The following KIRREL3 variants were observed in gnomAD, a reference collection of about 807,000 sequenced individuals.
The protein encoded by KIRREL3 is kirre like nephrin family adhesion molecule 3, also known as kin of IRRE-like protein 3.
Under a neutral mutation model 89.7 loss-of-function variants are expected in KIRREL3, and 36 were observed. That is an observed-to-expected ratio of 0.40 (90% CI 0.31 to 0.53). The LOEUF is 0.53. Ranked by LOEUF, KIRREL3 falls within the 20% of genes least tolerant of loss-of-function variation. KIRREL3 has a pLI of 0.49. For synonymous variants in KIRREL3, 445 were observed against 441.4 expected (o/e 1.01, Z -0.10); for missense variants, 864 against 1,056.6 (o/e 0.82, Z 2.53).
intron 1 of KIRREL3, among the ~76,000 whole-genome samples, chr11:126,794,347 C>A (rs1950737613): frequency 6.6e-6 from 1 of 152,194 alleles, no homozygotes; most frequent in African/African-American, 2.4e-5. Context: ...AAGGCTTGTT[C>A]AGTGGGGTAG....
At chr11:126,972,941 G>A (rs1949467993) in intron 1 of KIRREL3, among the ~76,000 whole-genome samples, 1 of 152,082 alleles carries the variant, frequency 6.6e-6, no homozygotes, top group South Asian at 2.1e-4. Flanking sequence ...CTCTGGTTGA[G>A]TTGATAGCCT....
chr11:126,981,578 G>A lies in KIRREL3; in HGVS notation c.55+18877C>T, dbSNP rs1949719587. On this transcript the variant is annotated intron_variant, in intron 1 of 16. Coordinates refer to ENST00000525144, the MANE Select transcript of KIRREL3 (RefSeq NM_032531.4). This position sits in a 1 kb window ranked among gnomAD's most constrained non-coding sequence, Gnocchi z 4.2. ...CCCGACTCTATGAAGCAAAGGCAAG[G>A]AGGTATTTCTTAATCTGAGAAGACA... 6.6e-6 allele frequency among the ~76,000 whole-genome samples: 1 copy of A among 152,216 alleles called. No homozygotes were observed. The highest frequency in any genetic ancestry group is 2.4e-5 in the African/African-American group (1 of 41,448).
At position 126,683,955 on chromosome 11, in the gene KIRREL3, G is replaced by A. The variant is rs538937184; in HGVS notation, c.56-121043C>T. Among the ~76,000 whole-genome samples, 67 of 152,248 alleles carry A rather than the reference G, an allele frequency of 4.4e-4. No homozygotes were observed. Among genetic ancestry groups the A allele is most frequent in the Non-Finnish European group, 2.9e-4 (20 of 68,056 alleles). Reference sequence around the variant, plus strand: ...ACTGTCGTGGGCTGTGGCCTCAGAGGTCCCTTACAGGGTGGTGGGACCCAG... The same window carrying A: ...ACTGTCGTGGGCTGTGGCCTCAGAGATCCCTTACAGGGTGGTGGGACCCAG... On this transcript the variant is annotated intron_variant, in intron 1 of 16. Coordinates refer to ENST00000525144, the MANE Select transcript of KIRREL3 (RefSeq NM_032531.4). The surrounding 1 kb of genome is among the most constrained non-coding windows in gnomAD (Gnocchi z 5.2).
chr11:126,504,430 A>G (rs1957959584), intron 4 of KIRREL3, among the ~76,000 whole-genome samples: 1 of 152,222 alleles, frequency 6.6e-6, no homozygotes, highest in Admixed American at 6.5e-5. Context: ...TCTAAGATCC[A>G]CAGCTGACTT....
At chr11:126,785,809 G>C (rs938144380) in intron 1 of KIRREL3, among the ~76,000 whole-genome samples, 8 of 128,452 alleles carry the variant, frequency 6.2e-5, no homozygotes, top group African/African-American at 1.7e-4. Context: ...AGGAGGTGGA[G>C]ATTGCAATGA....
chr11:126,626,304 G>A (rs950911213), intron 1 of KIRREL3, among the ~76,000 whole-genome samples: 5 of 152,222 alleles, frequency 3.3e-5, no homozygotes, highest in African/African-American at 1.2e-4. Flanking sequence ...GAGAACATAT[G>A]CAAACATGTA....
In KIRREL3 at chr11:126,876,242, G is replaced by A. The variant is rs865907823; in HGVS notation, c.55+124213C>T. Among the ~76,000 whole-genome samples the A allele has an allele frequency of 6.6e-6, 1 of 152,146 alleles. No homozygotes were observed. The highest frequency in any genetic ancestry group is 2.4e-5 in the African/African-American group (1 of 41,426). On this transcript the variant is annotated intron_variant, in intron 1 of 16. Coordinates refer to ENST00000525144, the MANE Select transcript of KIRREL3 (RefSeq NM_032531.4). This position sits in a 1 kb window ranked among gnomAD's most constrained non-coding sequence, Gnocchi z 4.1. ...CTTTTCATGGACCAAGATTTGCTGC[G>A]GCTGACCTGCAGAGGTGCTGTTCAG...
intron 11 of KIRREL3, among the ~76,000 whole-genome samples, chr11:126,438,128 C>T (rs1195174996): frequency 6.6e-6 from 1 of 152,246 alleles, no homozygotes; most frequent in Non-Finnish European, 1.5e-5. Flanking sequence ...CACTGCGCCT[C>T]CACACAAATG....
rs947800747 is a variant in KIRREL3 at position 126,684,751 on chromosome 11, GC to G, written c.56-121840del. 8.5e-5 allele frequency among the ~76,000 whole-genome samples: 13 copies of G among 152,190 alleles called. No homozygotes were observed. Among genetic ancestry groups the G allele is most frequent in the Non-Finnish European group, 1.9e-4 (13 of 68,038 alleles). ...CTTGTAAAGGCCACCTAATCACTTTGCTTTGGTATTCATTAGTCATTTAACA... is the reference window on the plus strand; with the variant it reads ...CTTGTAAAGGCCACCTAATCACTTTGTTTGGTATTCATTAGTCATTTAACA... On this transcript the variant is annotated intron_variant, in intron 1 of 16. Transcript: ENST00000525144. The surrounding 1 kb of genome is among the most constrained non-coding windows in gnomAD (Gnocchi z 4.2).
chr11:126,816,981 G>A (rs1403265019), intron 1 of KIRREL3, among the ~76,000 whole-genome samples: 2 of 152,228 alleles, frequency 1.3e-5, no homozygotes, highest in African/African-American at 4.8e-5. Flanking sequence ...TATCATGGGT[G>A]TTTAAAGGAA....
intron 1 of KIRREL3, among the ~76,000 whole-genome samples, chr11:126,911,420 T>C (rs981586615): frequency 6.6e-6 from 1 of 152,110 alleles, no homozygotes; most frequent in African/African-American, 2.4e-5. Context: ...CCCAATCCAA[T>C]GTGTACTCTG....
At position 126,955,716 on chromosome 11, in the gene KIRREL3, A is replaced by C. The variant is rs1948902851; in HGVS notation, c.55+44739T>G. Among the ~76,000 whole-genome samples the C allele has an allele frequency of 6.6e-6, 1 of 152,188 alleles. No homozygotes were observed. The highest frequency in any genetic ancestry group is 2.4e-5 in the African/African-American group (1 of 41,438). On this transcript the variant is annotated intron_variant, in intron 1 of 16. Coordinates refer to ENST00000525144, the MANE Select transcript of KIRREL3 (RefSeq NM_032531.4). The surrounding 1 kb of genome is among the most constrained non-coding windows in gnomAD (Gnocchi z 4.6). The stretch of plus-strand genomic sequence containing the variant: ...GAACTACATTTATACCAAAGGCTTG[A>C]GCTAGGTGTTTTAATGGGATCTAAA...
Position 126,655,738 on chromosome 11 carries a change from T to C in KIRREL3, c.56-92826A>G, listed in dbSNP as rs1945107337. Reference sequence around the variant, plus strand: ...GATTTAGGGGGACAGTCCTGGTGGCTTGGTCTTAGGCTTGTCTTGGCTCAG... The same window carrying C: ...GATTTAGGGGGACAGTCCTGGTGGCCTGGTCTTAGGCTTGTCTTGGCTCAG... On this transcript the variant is annotated intron_variant, in intron 1 of 16. Transcript: ENST00000525144. This position sits in a 1 kb window ranked among gnomAD's most constrained non-coding sequence, Gnocchi z 5.0. Among the ~76,000 whole-genome samples, 1 of 152,112 alleles carries C rather than the reference T, an allele frequency of 6.6e-6. No homozygotes were observed. The highest frequency in any genetic ancestry group is 1.5e-5 in the Non-Finnish European group (1 of 68,030).
At position 126,575,326 on chromosome 11, in the gene KIRREL3, G is replaced by C. The variant is rs1460278668; in HGVS notation, c.56-12414C>G. 6.6e-6 allele frequency among the ~76,000 whole-genome samples: 1 copy of C among 152,168 alleles called. No individual in the cohort carries two copies. Among genetic ancestry groups the C allele is most frequent in the Non-Finnish European group, 1.5e-5 (1 of 68,038 alleles). On this transcript the variant is annotated intron_variant, in intron 1 of 16. Coordinates refer to ENST00000525144, the MANE Select transcript of KIRREL3 (RefSeq NM_032531.4). This position sits in a 1 kb window ranked among gnomAD's most constrained non-coding sequence, Gnocchi z 7.0. ...ACAGCCCTGGGGCCTTCTCACAGTAGTGTGGGTGTCACAACCACCTCTTAG... is the reference window on the plus strand; with the variant it reads ...ACAGCCCTGGGGCCTTCTCACAGTACTGTGGGTGTCACAACCACCTCTTAG...
rs1157464678 is a variant in KIRREL3 at position 126,569,081 on chromosome 11, T to C, written c.56-6169A>G. Among the ~76,000 whole-genome samples, 1 of 151,834 alleles carries C rather than the reference T, an allele frequency of 6.6e-6. No homozygotes were observed. Among genetic ancestry groups the C allele is most frequent in the Non-Finnish European group, 1.5e-5 (1 of 67,980 alleles). ...GAGACATTCCAAGAAGAGACAGTGG[T>C]GCTAAGTGACAGAGTGGGTCAAGCA... On this transcript the variant is annotated intron_variant, in intron 1 of 16. Coordinates refer to ENST00000525144, the MANE Select transcript of KIRREL3 (RefSeq NM_032531.4). The surrounding 1 kb of genome is among the most constrained non-coding windows in gnomAD (Gnocchi z 6.5).
Position 126,903,500 on chromosome 11 carries a change from C to T in KIRREL3, c.55+96955G>A, listed in dbSNP as rs960351639. Among the ~76,000 whole-genome samples the T allele has an allele frequency of 4.6e-5, 7 of 152,130 alleles. No individual in the cohort carries two copies. The highest frequency in any genetic ancestry group is 9.7e-5 in the African/African-American group (4 of 41,426). ...AAGCAAGGAGAGCTGAGCGTTTTTC[C>T]GACTTAGCTTTTCTTTCTCTAACCC... On this transcript the variant is annotated intron_variant, in intron 1 of 16. Coordinates refer to ENST00000525144, the MANE Select transcript of KIRREL3 (RefSeq NM_032531.4). This position sits in a 1 kb window ranked among gnomAD's most constrained non-coding sequence, Gnocchi z 4.5.
At position 126,531,819 on chromosome 11, in the gene KIRREL3, G is replaced by C. The variant is rs1408444848; in HGVS notation, c.134-5132C>G. 1.3e-5 allele frequency among the ~76,000 whole-genome samples: 2 copies of C among 152,192 alleles called. No homozygotes were observed. Among genetic ancestry groups the C allele is most frequent in the African/African-American group, 4.8e-5 (2 of 41,452 alleles). ...GGCAGGGGCCACAGCTATCTTTTCT[G>C]TCTTGTGTTCCCAGCTGTGGGTGAG... On this transcript the variant is annotated intron_variant, in intron 2 of 16. Coordinates refer to ENST00000525144, the MANE Select transcript of KIRREL3 (RefSeq NM_032531.4). The surrounding 1 kb of genome is among the most constrained non-coding windows in gnomAD (Gnocchi z 4.7).
chr11:126,629,212 G>A (rs897326414), intron 1 of KIRREL3, among the ~76,000 whole-genome samples: 1 of 152,256 alleles, frequency 6.6e-6, no homozygotes, highest in African/African-American at 2.4e-5. Context: ...TCAGCTGGGC[G>A]CGCTGTGTGG....
At chr11:126,588,913 G>A (rs575034747) in intron 1 of KIRREL3, among the ~76,000 whole-genome samples, 1 of 152,134 alleles carries the variant, frequency 6.6e-6, no homozygotes, top group Non-Finnish European at 1.5e-5. Context: ...CAGGGGAGAC[G>A]AGGGCATCAG....
Sources: allele counts gnomAD v4.1 joint callset (sites outside exome capture counted in the v4.1 genomes callset), GRCh38; gene constraint gnomAD v4.1.1; non-coding constraint Gnocchi (gnomAD v3.1); transcripts MANE v1.5; gene names NCBI Gene and HGNC (gene_info 2026-07-23, HGNC 2026-07-21).